MAGI1: variants seen among roughly 807,000 people sequenced by gnomAD.
MAGI1 encodes membrane associated guanylate kinase, WW and PDZ domain containing 1.
MAGI1 carries 58 observed loss-of-function variants against 139.9 expected under a neutral mutation model. The observed-to-expected ratio is 0.41, with a 90% CI of 0.34 to 0.52. The LOEUF (loss-of-function observed/expected upper bound fraction) is 0.52, where lower values mean the gene tolerates loss of function less well. Ranked by LOEUF, MAGI1 falls within the 20% of genes least tolerant of loss-of-function variation. The pLI is 0.12. For missense variants in MAGI1, 1,874 were observed against 1,901.6 expected, an observed-to-expected ratio of 0.99 and a Z score of 0.27; for synonymous variants, 812 against 737.9, an observed-to-expected ratio of 1.10 and a Z score of -1.63.
chr3:65,926,544 GACCTT>G (rs2062529906), intron 1 of MAGI1, among the ~76,000 whole-genome samples: 7 of 152,112 alleles, frequency 4.6e-5, no homozygotes, highest in Admixed American at 4.6e-4. Context: ...AGGTAATAAA[GACCTT>G]GCTGATAAAA....
intron 2 of MAGI1, among the ~76,000 whole-genome samples, chr3:65,530,842 C>CAT (rs2078677648): frequency 9.3e-6 from 1 of 107,408 alleles, no homozygotes; most frequent in Non-Finnish European, 1.9e-5. Flanking sequence ...TATATATACA[C>CAT]ACACACACAC....
chr3:65,919,513 A>C (rs2062067615), intron 1 of MAGI1, among the ~76,000 whole-genome samples: 1 of 151,994 alleles, frequency 6.6e-6, no homozygotes, highest in South Asian at 2.1e-4. Context: ...AGTGAGCTAC[A>C]GTTGTGCCAC....
intron 1 of MAGI1, among the ~76,000 whole-genome samples, chr3:65,777,594 G>A (rs35361609): frequency 0.079 from 11,038 of 138,932 alleles, 451 homozygotes; most frequent in African/African-American, 0.11. Flanking sequence ...AGCCATGATT[G>A]TTGTGCCACT....
At chr3:65,648,319 G>A (rs551407525) in intron 1 of MAGI1, among the ~76,000 whole-genome samples, 9 of 147,592 alleles carry the variant, frequency 6.1e-5, no homozygotes, top group South Asian at 2.2e-4. Flanking sequence ...GTGTGTGTGC[G>A]CGTGCGCGTG....
At chr3:65,999,523 C>T (rs1263349198) in intron 1 of MAGI1, among the ~76,000 whole-genome samples, 2 of 152,074 alleles carry the variant, frequency 1.3e-5, no homozygotes, top group African/African-American at 2.4e-5. Flanking sequence ...GTCTTCAGGC[C>T]TTATGGCAAA....
chr3:65,674,106 C>T (rs1473923022), intron 1 of MAGI1, among the ~76,000 whole-genome samples: 1 of 152,136 alleles, frequency 6.6e-6, no homozygotes, highest in East Asian at 1.9e-4. Context: ...TATACGACAG[C>T]TCAATAAGGT....
intron 2 of MAGI1, among the ~76,000 whole-genome samples, chr3:65,508,053 T>A (rs73128935): frequency 0.31 from 46,861 of 152,094 alleles, 8,928 homozygotes; most frequent in East Asian, 0.73. Flanking sequence ...AACTATCTCA[T>A]TAGAATACTA....
intron 1 of MAGI1, among the ~76,000 whole-genome samples, chr3:65,948,697 A>G (rs538423013): frequency 6.6e-6 from 1 of 152,344 alleles, no homozygotes; most frequent in South Asian, 2.1e-4. Context: ...TTATAAAACA[A>G]ATCACTAAGT....
At chr3:65,404,373 C>G (rs746605528) in intron 12 of MAGI1, among the ~76,000 whole-genome samples, 1 of 152,140 alleles carries the variant, frequency 6.6e-6, no homozygotes, top group Non-Finnish European at 1.5e-5. Context: ...GATCCCAGCT[C>G]AACTGACACA....
chr3:65,726,095 T>C (rs952384855), intron 1 of MAGI1, among the ~76,000 whole-genome samples: 1 of 152,182 alleles, frequency 6.6e-6, no homozygotes, highest in Non-Finnish European at 1.5e-5. Context: ...CAAAGACTTG[T>C]TGAGATTAAA....
intron 1 of MAGI1, among the ~76,000 whole-genome samples, chr3:66,021,985 G>A (rs1162414505): frequency 6.6e-6 from 1 of 152,154 alleles, no homozygotes. Flanking sequence ...ATAAGTGCCT[G>A]GTAACAGGTG....
chr3:65,378,951 G>A (rs1178991376), intron 17 of MAGI1, among the ~76,000 whole-genome samples: 1 of 152,076 alleles, frequency 6.6e-6, no homozygotes, highest in Non-Finnish European at 1.5e-5. Context: ...CAAAGTGCTG[G>A]GATTACAGGC....
intron 1 of MAGI1, among the ~76,000 whole-genome samples, chr3:65,681,052 A>G (rs905139601): frequency 1.3e-5 from 2 of 152,222 alleles, no homozygotes; most frequent in Non-Finnish European, 2.9e-5. Flanking sequence ...ATCAATATCT[A>G]TAGTGGGGCT....
intron 1 of MAGI1, among the ~76,000 whole-genome samples, chr3:65,792,534 AATAATATATTGTTATAGCTAGCT>A (rs2039856603): frequency 6.6e-6 from 1 of 152,148 alleles, no homozygotes; most frequent in South Asian, 2.1e-4. Context: ...TAGAATAGCT[AATAATATATTGTTATAGCTAGCT>A]ATATAGCTAG....
intron 13 of MAGI1, among the ~76,000 whole-genome samples, chr3:65,398,052 G>A (rs1454478253): frequency 6.6e-6 from 1 of 151,840 alleles, no homozygotes; most frequent in Admixed American, 6.6e-5. Context: ...TACACGGTTT[G>A]TTTGCAAACT....
At chr3:65,708,152 C>T (rs1358339931) in intron 1 of MAGI1, among the ~76,000 whole-genome samples, 1 of 152,192 alleles carries the variant, frequency 6.6e-6, no homozygotes, top group Non-Finnish European at 1.5e-5. Context: ...CAATGCCTCT[C>T]TTACCTGAGG....
At chr3:65,379,692 C>T in intron 16 of MAGI1, 138 bp from the exon 17 acceptor site, 1 of 1,378,342 alleles carries the variant, frequency 7.3e-7, no homozygotes, top group Non-Finnish European at 9.8e-7. Context: ...TTTCACAATA[C>T]CTGGATATAC....
rs1474215880 is a variant in MAGI1 at position 65,731,602 on chromosome 3, CTG to C, written c.314-109516_314-109515del. On this transcript the variant is annotated intron_variant, in intron 1 of 22. Coordinates refer to ENST00000402939, the MANE Select transcript of MAGI1 (RefSeq NM_001033057.2). ...CCTGGGAAGTCGAGGCTGCAGTGAG[CTG>C]TGATTGTACCACTGCACTCCAGCCT... 4.0e-5 allele frequency among the ~76,000 whole-genome samples: 6 copies of C among 149,640 alleles called. No homozygotes were observed. In the Admixed American group the frequency reaches 4.0e-4, roughly 10 times the overall value.
chr3:65,653,252 G>C (rs1249616149), intron 1 of MAGI1, among the ~76,000 whole-genome samples: 2 of 151,938 alleles, frequency 1.3e-5, no homozygotes, highest in African/African-American at 2.4e-5. Flanking sequence ...TACAGCTCTT[G>C]AATGAGCCCA....
Sources: gnomAD v4.1 joint callset for allele counts (sites outside exome capture counted in the v4.1 genomes callset) on GRCh38, gnomAD v4.1.1 for gene constraint, MANE v1.5 for transcripts, NCBI Gene and HGNC (gene_info 2026-07-23, HGNC 2026-07-21) for gene names.